The following AP3B2 variants were observed in gnomAD, a reference collection of about 807,000 sequenced individuals.
The protein encoded by AP3B2 is adaptor related protein complex 3 subunit beta 2.
A neutral mutation model predicts 126.9 loss-of-function variants in AP3B2; 50 were observed. That is an observed-to-expected ratio of 0.39 (90% CI 0.31 to 0.50). AP3B2 has a LOEUF of 0.50. Among genes scored for constraint, AP3B2 ranks in the 20% least tolerant of loss-of-function variants. AP3B2 has a pLI of 0.79. For missense variants in AP3B2, 1,177 were observed against 1,426.4 expected (o/e 0.83, Z 2.82); for synonymous variants, 541 against 565.0 (o/e 0.96, Z 0.60).
At chr15:82,691,776 G>A in intron 1 of AP3B2, 2 of 1,561,290 alleles carry the variant, frequency 1.3e-6, no homozygotes, top group Non-Finnish European at 1.8e-6. Context: ...CTTTAGTATG[G>A]AGAGTCACGG....
chr15:82,677,315 C>G lies in AP3B2; in HGVS notation c.1447G>C (p.Glu483Gln). The G allele has an allele frequency of 6.2e-7, 1 of 1,613,962 alleles. No individual in the cohort carries two copies. The highest frequency in any genetic ancestry group is 8.5e-7 in the Non-Finnish European group (1 of 1,179,884). The change falls in exon 13 of 27, where the codon GAG (glutamate) becomes CAG (glutamine). Residue 483 changes from glutamate to glutamine, a missense_variant. By Grantham distance (29) the Glu-to-Gln change is conservative. Coordinates refer to ENST00000535359, the MANE Select transcript of AP3B2 (RefSeq NM_001278512.2). ...AGCTTTGCCAAGTGTTTGATGATCT[C>G]TCCATGTTGTGCTGGCTGCATCTGT... The part of the protein sequence containing the change: ...LLQMQPAQHG[E>Q]IIKHLAKLTD...
intron 4 of AP3B2, among the ~76,000 whole-genome samples, chr15:82,683,059 T>TG (rs1464393034): frequency 8.3e-6 from 1 of 120,696 alleles, no homozygotes; most frequent in Non-Finnish European, 1.7e-5. Context: ...TTTTTTTTTT[T>TG]TTTTTTTTTT....
chr15:82,680,769 C>T lies in AP3B2; in HGVS notation c.772-14G>A, dbSNP rs2048325004. On this transcript the variant is annotated splice_polypyrimidine_tract_variant and intron_variant, in intron 7 of 26. Transcript: ENST00000535359. The surrounding 1 kb of genome is among the most constrained non-coding windows in gnomAD (Gnocchi z 6.1). ...TAGTAGGGATTCCTGGACGGGGAGACCGACGGGTCTGTGGGCGCCTCCCCG... is the reference window on the plus strand; with the variant it reads ...TAGTAGGGATTCCTGGACGGGGAGATCGACGGGTCTGTGGGCGCCTCCCCG... The T allele has an allele frequency of 1.9e-6, 3 of 1,596,042 alleles. No individual in the cohort carries two copies. The highest frequency in any genetic ancestry group is 1.7e-5 in the Admixed American group (1 of 58,424).
chr15:82,680,562 A>T lies in AP3B2; in HGVS notation c.965T>A (p.Met322Lys). Residue 322 changes from methionine to lysine, a missense_variant, in exon 8 of 27, where the codon ATG becomes AAG. Met to Lys is a moderately conservative substitution (Grantham distance 95). Transcript: ENST00000535359. This position sits in a 1 kb window ranked among gnomAD's most constrained non-coding sequence, Gnocchi z 6.1. ...LLQSRSAAVV[M>K]AVAQLYFHLA... ...GTGGAAGTAGAGCTGCGCCACCGCC[A>T]TCACCACCGCGGCGCTGCGGCTCTG... The T allele has an allele frequency of 6.3e-7, 1 of 1,579,006 alleles. No homozygotes were observed. Among genetic ancestry groups the T allele is most frequent in the Non-Finnish European group, 8.5e-7 (1 of 1,169,840 alleles).
At chr15:82,705,601 C>T (rs2048784468) in intron 1 of AP3B2, among the ~76,000 whole-genome samples, 1 of 152,194 alleles carries the variant, frequency 6.6e-6, no homozygotes, top group Non-Finnish European at 1.5e-5. Flanking sequence ...CAGCAAACTA[C>T]CTAGGCTGTA....
At chr15:82,660,896 A>G (rs1284558307) in intron 25 of AP3B2, among the ~76,000 whole-genome samples, 1 of 152,126 alleles carries the variant, frequency 6.6e-6, no homozygotes, top group Admixed American at 6.5e-5. Context: ...AGAGGACTGC[A>G]TGTACTTGAG....
In AP3B2 at chr15:82,664,926, C is replaced by G; in HGVS notation, c.2046G>C (p.Lys682Asn). Residue 682 changes from lysine (K) to asparagine (N), a missense_variant, in exon 18 of 27, where the codon AAG becomes AAC. Around this residue, in one of 5 missense-constraint regions of AP3B2, gnomAD observed 587 missense variants for 571.3 expected, o/e 1.03. Transcript: ENST00000535359. The surrounding 1 kb of genome is among the most constrained non-coding windows in gnomAD (Gnocchi z 4.5). Reference sequence around the variant, plus strand: ...CCTTTCTCTTCTCCCGATTTGAGCACTTGGTCCATTCAGGTACCTGGAGAT... The same window carrying G: ...CCTTTCTCTTCTCCCGATTTGAGCAGTTGGTCCATTCAGGTACCTGGAGAT... Reference protein sequence around the residue: ...GEYTEVPEWTKCSNREKRKEK... With the variant: ...GEYTEVPEWTNCSNREKRKEK... 6.2e-7 allele frequency: 1 copy of G among 1,608,144 alleles called. No homozygotes were observed. The highest frequency in any genetic ancestry group is 8.5e-7 in the Non-Finnish European group (1 of 1,177,338).
Position 82,665,411 on chromosome 15 carries a change from ACACACACACACACACACACACACT to A in AP3B2, c.1971+22_1971+45del. 1.8e-6 allele frequency: 1 copy of A among 541,174 alleles called. No individual in the cohort carries two copies. Among genetic ancestry groups the A allele is most frequent in the Non-Finnish European group, 2.9e-6 (1 of 339,320 alleles). The allele number at this position is 541,174 out of a possible 1,614,324, so 33.5% of individuals were successfully genotyped here. A position where few individuals can be genotyped will look rare whatever the true frequency, so the allele number is the denominator to read the frequency against. On this transcript the variant is annotated intron_variant, in intron 16 of 26. Transcript: ENST00000535359. The surrounding 1 kb of genome is among the most constrained non-coding windows in gnomAD (Gnocchi z 4.4). ...CACACACACACACACACACACACAC[ACACACACACACACACACACACACT>A]TCAACCCTCCACCCCGCTGACCTCC...
chr15:82,665,749 A>G lies in AP3B2; in HGVS notation c.1853-174T>C, dbSNP rs1375505655. Among the ~76,000 whole-genome samples, 3 of 152,184 alleles carry G rather than the reference A, an allele frequency of 2.0e-5. No individual in the cohort carries two copies. The East Asian group carries it at 5.8e-4, about 29-fold the overall frequency. On this transcript the variant is annotated intron_variant, in intron 15 of 26. Transcript: ENST00000535359. The surrounding 1 kb of genome is among the most constrained non-coding windows in gnomAD (Gnocchi z 4.4). The stretch of plus-strand genomic sequence containing the variant: ...ACCCTGACTGCACCTTTAGGCCCAC[A>G]TGCTGGAAGAAAAGGCTGTCTGGCC...
chr15:82,670,055 C>A (rs1230435554), intron 14 of AP3B2, among the ~76,000 whole-genome samples: 1 of 41,110 alleles, frequency 2.4e-5, no homozygotes, highest in African/African-American at 9.2e-5. Context: ...GCAACAAGAG[C>A]AAAACTCCGT....
chr15:82,693,557 A>G (rs1007319881), intron 1 of AP3B2, among the ~76,000 whole-genome samples: 6 of 151,828 alleles, frequency 4.0e-5, no homozygotes, highest in African/African-American at 1.5e-4. Flanking sequence ...AGCAGCAAAT[A>G]ATTTAACTTG....
At chr15:82,683,051 T>TTTTTTG (rs2048369613) in intron 4 of AP3B2, among the ~76,000 whole-genome samples, 3 of 73,778 alleles carry the variant, frequency 4.1e-5, no homozygotes, top group African/African-American at 2.9e-4. Context: ...CCAGGAGTTT[T>TTTTTTG]TTTTTTTTTT....
Position 82,680,699 on chromosome 15 carries a change from C to T in AP3B2, c.828G>A (p.Glu276=), listed in dbSNP as rs2048323413. 2 of 1,568,006 alleles carry T rather than the reference C, an allele frequency of 1.3e-6. No homozygotes were observed. The highest frequency in any genetic ancestry group is 1.7e-6 in the Non-Finnish European group (2 of 1,161,196). ...TCTCCTCAGACCCCGCGCCCTTGGC[C>T]TCGTCCTCCTCTGAGCCGTAGAAGG... is the stretch of plus-strand genomic sequence containing the variant. The part of the protein sequence containing the change: ...EKAFYGSEED[E]AKGAGSEETA... The change falls in exon 8 of 27, where the codon GAG becomes GAA. Residue 276 remains glutamate (E), a synonymous_variant. Transcript: ENST00000535359. The surrounding 1 kb of genome is among the most constrained non-coding windows in gnomAD (Gnocchi z 6.1).
chr15:82,689,063 C>G lies in AP3B2; in HGVS notation c.264+95G>C, dbSNP rs2048479452. ...CAGAGACATTTCTCAGCAGGTCGGG[C>G]CCCCAGGGGCTAAATCATTTCCTTC... On this transcript the variant is annotated intron_variant, in intron 3 of 26. Coordinates refer to ENST00000535359, the MANE Select transcript of AP3B2 (RefSeq NM_001278512.2). The G allele has an allele frequency of 5.0e-6, 7 of 1,411,658 alleles. No homozygotes were observed. In the Admixed American group the frequency reaches 5.6e-5, roughly 11 times the overall value. The allele number at this position is 1,411,658 out of a possible 1,614,324, so 87.4% of individuals were successfully genotyped here.
In AP3B2 at chr15:82,679,737, T is replaced by A. The variant is rs1198899171; in HGVS notation, c.1174A>T (p.Ile392Phe). 1 of 1,613,588 alleles carries A rather than the reference T, an allele frequency of 6.2e-7. No homozygotes were observed. Among genetic ancestry groups the A allele is most frequent in the Admixed American group, 1.7e-5 (1 of 60,020 alleles). ...IRSTDPTQIKILKLEVLTNLA... is the reference protein window; with the variant it reads ...IRSTDPTQIKFLKLEVLTNLA... ...TTCTGTCCCTCACTCACCTTCAGGA[T>A]CTTAATCTGGGTGGGGTCGGTGGAC... The change falls in exon 10 of 27, where the codon ATC (isoleucine) becomes TTC (phenylalanine). Residue 392 changes from isoleucine to phenylalanine, a missense_variant. This residue lies in a region of AP3B2 where 308 missense variants were observed against 452.4 expected (regional missense o/e 0.68). Coordinates refer to ENST00000535359, the MANE Select transcript of AP3B2 (RefSeq NM_001278512.2).
In AP3B2 at chr15:82,660,398, A is replaced by G. The variant is rs533378638; in HGVS notation, c.3017-415T>C. Among the ~76,000 whole-genome samples, 11 of 152,222 alleles carry G rather than the reference A, an allele frequency of 7.2e-5. No individual in the cohort carries two copies. The South Asian group carries it at 2.3e-3, about 32-fold the overall frequency. On this transcript the variant is annotated intron_variant, in intron 25 of 26. Transcript: ENST00000535359. ...AGCTCCTGGAAGCTAAGCCCTCACA[A>G]AAAGATCACAGGTGGCTGCTGTGAT...
intron 10 of AP3B2, 128 bp downstream of exon 10, chr15:82,679,601 G>A (rs1019835375): frequency 1.2e-5 from 10 of 832,136 alleles, no homozygotes; most frequent in Non-Finnish European, 2.0e-5. Context: ...CTCCAGCTGG[G>A]GCAGTCATGG....
intron 1 of AP3B2, among the ~76,000 whole-genome samples, chr15:82,696,819 C>T (rs1279240714): frequency 5.9e-5 from 9 of 152,064 alleles, no homozygotes; most frequent in Admixed American, 5.9e-4. Flanking sequence ...ACGAAGTGAT[C>T]AGAGAATTGT....
At chr15:82,663,008 T>C in intron 22 of AP3B2, 86 bp from the exon 23 acceptor site, 2 of 1,519,008 alleles carry the variant, frequency 1.3e-6, no homozygotes, top group Admixed American at 1.9e-5. Flanking sequence ...ATCCAGCAGC[T>C]GGGACTCAAA....
Sources: gnomAD v4.1 joint callset for allele counts (sites outside exome capture counted in the v4.1 genomes callset) on GRCh38, gnomAD v4.1.1 for gene constraint, gnomAD v4.1.1 regional missense constraint, Gnocchi (gnomAD v3.1) non-coding constraint, MANE v1.5 for transcripts, NCBI Gene and HGNC (gene_info 2026-07-23, HGNC 2026-07-21) for gene names.